The following TEX14 variants were observed in gnomAD, a reference collection of about 807,000 sequenced individuals.
TEX14 encodes the protein inactive serine/threonine-protein kinase TEX14.
A neutral mutation model predicts 178.6 loss-of-function variants in TEX14; 168 were observed. The ratio of observed to expected loss-of-function variants is 0.94; its 90% CI spans 0.83 to 1.07. The LOEUF (loss-of-function observed/expected upper bound fraction) is 1.07, where lower values mean the gene tolerates loss of function less well. Ranked by LOEUF, TEX14 falls within the 50% of genes least tolerant of loss-of-function variation. The pLI is 0.00. For synonymous variants in TEX14, 626 were observed against 634.1 expected (o/e 0.99, Z 0.19); for missense variants, 1,730 against 1,753.6 (o/e 0.99, Z 0.24).
intron 3 of TEX14, among the ~76,000 whole-genome samples, chr17:58,629,610 G>A (rs2046232827): frequency 6.6e-6 from 1 of 151,976 alleles, no homozygotes; most frequent in African/African-American, 2.4e-5. Context: ...AGATCACGAG[G>A]TCAGGAGATT....
chr17:58,582,811 A>C (rs1161166454), intron 19 of TEX14, among the ~76,000 whole-genome samples: 1 of 140,376 alleles, frequency 7.1e-6, no homozygotes, highest in East Asian at 2.1e-4. Flanking sequence ...TGATCCTCCC[A>C]CCTCGGCCTC....
intron 14 of TEX14, among the ~76,000 whole-genome samples, chr17:58,598,026 A>G (rs1254810685): frequency 6.6e-6 from 1 of 152,020 alleles, no homozygotes; most frequent in East Asian, 1.9e-4. Context: ...CAGAACCCAG[A>G]GTCTAGGCCA....
rs199627407 is a variant in TEX14 at position 58,579,665 on chromosome 17, C to T, written c.3238G>A (p.Gly1080Ser). The T allele has an allele frequency of 3.6e-5, 58 of 1,612,854 alleles. No individual in the cohort carries two copies. Among genetic ancestry groups the T allele is most frequent in the Non-Finnish European group, 4.7e-5 (55 of 1,179,080 alleles). The change falls in exon 20 of 32, where the codon GGT (glycine) becomes AGT (serine). Residue 1080 changes from glycine to serine, a missense_variant and splice_region_variant. Gly to Ser is a moderately conservative substitution (Grantham distance 56). Coordinates refer to ENST00000349033, the MANE Select transcript of TEX14 (RefSeq NM_031272.5). ...QGAFAQPQVS[G>S]EEKFQMRKIL... The stretch of plus-strand genomic sequence containing the variant: ...GGAATCTTCCCTAAGGGCTTATTAC[C>T]AGAGACTTGAGGTTGGGCAAATGCA...
At chr17:58,665,330 G>A (rs1162954661) in intron 1 of TEX14, among the ~76,000 whole-genome samples, 1 of 151,774 alleles carries the variant, frequency 6.6e-6, no homozygotes, top group Non-Finnish European at 1.5e-5. Flanking sequence ...TTGCCTGGGT[G>A]CAATGACTCA....
Position 58,599,098 on chromosome 17 carries a change from CCTCAGCCT to C in TEX14, c.2239_2246del (p.Arg747GlufsTer8). The C allele has an allele frequency of 6.2e-7, 1 of 1,614,044 alleles. No homozygotes were observed. Among genetic ancestry groups the C allele is most frequent in the Non-Finnish European group, 8.5e-7 (1 of 1,179,922 alleles). ...CTTCATCTAATATCTGCTCGATATT[CCTCAGCCT>C]ATCATCATTCTCGTGCATTATTGTC... On this transcript the variant is annotated frameshift_variant, in exon 14 of 32. Transcript: ENST00000349033. LOFTEE classifies it high-confidence loss of function.
chr17:58,641,420 A>G (rs1486437987), intron 2 of TEX14, among the ~76,000 whole-genome samples: 1 of 150,690 alleles, frequency 6.6e-6, no homozygotes, highest in Non-Finnish European at 1.5e-5. Context: ...AAAACAAAAC[A>G]AAAAAAAAGT....
intron 2 of TEX14, among the ~76,000 whole-genome samples, chr17:58,640,038 C>T (rs1056548924): frequency 6.6e-6 from 1 of 152,246 alleles, no homozygotes; most frequent in Middle Eastern, 3.4e-3. Context: ...TGGCCAATCA[C>T]GGTGGCTCAG....
At chr17:58,607,761 C>T (rs574133115) in intron 10 of TEX14, among the ~76,000 whole-genome samples, 2 of 152,366 alleles carry the variant, frequency 1.3e-5, no homozygotes, top group South Asian at 4.1e-4. Flanking sequence ...CTCCTGAACA[C>T]ATAGCCAGAG....
chr17:58,631,562 T>A (rs929893830), intron 2 of TEX14: 4 of 151,430 alleles, frequency 2.6e-5, no homozygotes, highest in African/African-American at 7.3e-5. Flanking sequence ...AACACACATC[T>A]GGCATAACCT....
intron 2 of TEX14, among the ~76,000 whole-genome samples, chr17:58,647,840 G>A (rs2046749012): frequency 6.6e-6 from 1 of 152,054 alleles, no homozygotes. Flanking sequence ...TGGGACTACA[G>A]GCATGTGCCA....
chr17:58,557,530 C>T (rs533542131), intron 31 of TEX14, among the ~76,000 whole-genome samples: 64 of 152,282 alleles, frequency 4.2e-4, no homozygotes, highest in Admixed American at 1.1e-3. Flanking sequence ...CTCGGCCTCC[C>T]AAAGTGCTGG....
chr17:58,603,933 GTGTGTGTGTGTGTC>G (rs2045541783), intron 11 of TEX14, among the ~76,000 whole-genome samples: 1 of 120,704 alleles, frequency 8.3e-6, no homozygotes. Flanking sequence ...GTGTGTGTGT[GTGTGTGTGTGTGTC>G]TTTCTTTTGA....
At position 58,636,035 on chromosome 17, in the gene TEX14, G is replaced by A. The variant is rs553627968; in HGVS notation, c.137-5481C>T. On this transcript the variant is annotated intron_variant, in intron 2 of 31. Transcript: ENST00000349033. ...GTTAGGATTACAGGCGTGAGCCACC[G>A]CGTCCCAAGGGCTTCTCTAAGGATC... 9.9e-5 allele frequency among the ~76,000 whole-genome samples: 15 copies of A among 152,174 alleles called. No individual in the cohort carries two copies. In the South Asian group the frequency reaches 2.7e-3, roughly 27 times the overall value.
At chr17:58,673,869 C>A (rs2047344930) in intron 1 of TEX14, among the ~76,000 whole-genome samples, 1 of 152,160 alleles carries the variant, frequency 6.6e-6, no homozygotes. Context: ...CACGTGGCTT[C>A]TCTCCTTCAT....
In TEX14 at chr17:58,588,007, C is replaced by T. The variant is rs761578869; in HGVS notation, c.2591G>A (p.Arg864Lys). Residue 864 changes from arginine (R) to lysine (K), a missense_variant, in exon 16 of 32, where the codon AGA (arginine) becomes AAA (lysine). Transcript: ENST00000349033. ...IQNTSSQGRPRESTAQAKATQ... is the reference protein window; with the variant it reads ...IQNTSSQGRPKESTAQAKATQ... ...GGCTTTGGCTTGGGCAGTGGACTCT[C>T]TAGGTCTTCCCTGGCTAAGAAATGA... The T allele has an allele frequency of 4.1e-6, 5 of 1,211,194 alleles. No homozygotes were observed. Among genetic ancestry groups the T allele is most frequent in the African/African-American group, 1.5e-5 (1 of 66,930 alleles). 75.0% of individuals were successfully genotyped at this position (1,211,194 alleles called of 1,614,324 possible).
chr17:58,581,988 G>A (rs1022109578), intron 19 of TEX14, among the ~76,000 whole-genome samples: 1 of 152,058 alleles, frequency 6.6e-6, no homozygotes, highest in African/African-American at 2.4e-5. Context: ...AGAATGGGTG[G>A]AGATGAGGTG....
intron 2 of TEX14, among the ~76,000 whole-genome samples, chr17:58,649,489 A>G (rs920835462): frequency 3.3e-5 from 5 of 152,180 alleles, no homozygotes; most frequent in African/African-American, 1.2e-4. Context: ...CTGAGGCTTC[A>G]GATAGAATTC....
At chr17:58,597,084 T>G (rs1459049582) in intron 14 of TEX14, among the ~76,000 whole-genome samples, 1 of 152,132 alleles carries the variant, frequency 6.6e-6, no homozygotes, top group Non-Finnish European at 1.5e-5. Context: ...GGGAGAGCTA[T>G]CTTCCCTGTA....
chr17:58,680,917 CT>C (rs35468028), intron 1 of TEX14, among the ~76,000 whole-genome samples: 2 of 152,056 alleles, frequency 1.3e-5, no homozygotes, highest in Admixed American at 6.6e-5. Flanking sequence ...GAGTTTATAA[CT>C]TTTTTTTCCT....
Sources: allele counts gnomAD v4.1 joint callset (sites outside exome capture counted in the v4.1 genomes callset), GRCh38; gene constraint gnomAD v4.1.1; transcripts MANE v1.5; gene names NCBI Gene and HGNC (gene_info 2026-07-23, HGNC 2026-07-21).